Variants in EPB41L2 observed in about 807,000 individuals in gnomAD.
The protein encoded by EPB41L2 is erythrocyte membrane protein band 4.1 like 2.
Under a neutral mutation model 113.0 loss-of-function variants are expected in EPB41L2, and 43 were observed. The observed-to-expected ratio is 0.38, with a 90% CI of 0.30 to 0.49. EPB41L2 has a LOEUF of 0.49. EPB41L2 is among the 20% of genes least tolerant of loss of function. The pLI, the probability that EPB41L2 is intolerant of heterozygous loss-of-function variation, is 0.95. For missense variants in EPB41L2, 1,147 were observed against 1,223.4 expected (o/e 0.94, Z 0.93); for synonymous variants, 442 against 436.7 (o/e 1.01, Z -0.15).
intron 1 of EPB41L2, among the ~76,000 whole-genome samples, chr6:130,994,620 T>C (rs546440522): frequency 1.3e-5 from 2 of 152,326 alleles, no homozygotes; most frequent in South Asian, 4.1e-4. Context: ...AGCTGAAGTA[T>C]GACAGACAAG....
In EPB41L2 at chr6:130,894,388, C is replaced by A. The variant is rs571608777; in HGVS notation, c.1443G>T (p.Ala481=). The change falls in exon 10 of 20, where the codon GCG becomes GCT. Residue 481 remains alanine (A), a synonymous_variant. Coordinates refer to ENST00000337057, the MANE Select transcript of EPB41L2 (RefSeq NM_001431.4). ...IGFKLPNHRA[A]KRLWKVCVEH... is the part of the protein sequence containing the mutation. ...CCACGCACACTTTCCATAGTCTTTT[C>A]GCTGCCCGGTGGTTTGGCAGTTTGA... is the stretch of plus-strand genomic sequence containing the variant. 24 of 1,613,904 alleles carry A rather than the reference C, an allele frequency of 1.5e-5. No homozygotes were observed. In the South Asian group the frequency reaches 2.4e-4, roughly 16 times the overall value.
chr6:131,025,516 C>T (rs1054529395), intron 1 of EPB41L2, among the ~76,000 whole-genome samples: 2 of 152,302 alleles, frequency 1.3e-5, no homozygotes, highest in Admixed American at 1.3e-4. Flanking sequence ...CCACACCAAA[C>T]CACTGGCCTA....
intron 1 of EPB41L2, among the ~76,000 whole-genome samples, chr6:131,005,643 G>A (rs760093653): frequency 2.4e-4 from 37 of 152,110 alleles, no homozygotes; most frequent in Non-Finnish European, 3.5e-4. Context: ...AAGACTATGC[G>A]AGTGTGTATG....
chr6:131,024,961 T>C (rs765293880), intron 1 of EPB41L2, among the ~76,000 whole-genome samples: 2 of 152,216 alleles, frequency 1.3e-5, no homozygotes, highest in Non-Finnish European at 2.9e-5. Context: ...TCTTCCTCTC[T>C]ATTCTTCATT....
At chr6:130,855,211 G>A (rs1244591161) in intron 19 of EPB41L2, among the ~76,000 whole-genome samples, 1 of 151,872 alleles carries the variant, frequency 6.6e-6, no homozygotes, top group Admixed American at 6.6e-5. Flanking sequence ...TTAGCTGGGC[G>A]TGATGGTGGG....
chr6:131,036,805 GGGTTAACTAA>G (rs1793412037), intron 1 of EPB41L2, among the ~76,000 whole-genome samples: 1 of 152,116 alleles, frequency 6.6e-6, no homozygotes, highest in African/African-American at 2.4e-5. Flanking sequence ...AAACAGTTAT[GGGTTAACTAA>G]TAGGACATCT....
chr6:131,053,115 C>G (rs982903432), intron 1 of EPB41L2, among the ~76,000 whole-genome samples: 1 of 152,040 alleles, frequency 6.6e-6, no homozygotes, highest in Non-Finnish European at 1.5e-5. Flanking sequence ...AGGCTGGTCT[C>G]AAACTCCTGA....
intron 1 of EPB41L2, among the ~76,000 whole-genome samples, chr6:131,007,392 T>C (rs1342495131): frequency 3.3e-5 from 5 of 152,180 alleles, no homozygotes; most frequent in African/African-American, 1.2e-4. Context: ...AACTTCTTTT[T>C]TTTAAAAATT....
At chr6:131,048,941 C>T (rs974012932) in intron 1 of EPB41L2, among the ~76,000 whole-genome samples, 3 of 152,046 alleles carry the variant, frequency 2.0e-5, no homozygotes, top group African/African-American at 7.2e-5. Context: ...TTATCCTTCA[C>T]TGCTATTATG....
intron 3 of EPB41L2, among the ~76,000 whole-genome samples, chr6:130,939,543 G>A (rs1224608640): frequency 5.3e-5 from 8 of 151,982 alleles, no homozygotes; most frequent in Non-Finnish European, 1.0e-4. Context: ...GTAAGACACC[G>A]CGCCCGGCCC....
intron 1 of EPB41L2, among the ~76,000 whole-genome samples, chr6:131,049,832 AG>A (rs765401343): frequency 3.3e-5 from 5 of 152,228 alleles, no homozygotes; most frequent in Non-Finnish European, 7.3e-5. Context: ...TAAAAGCTAC[AG>A]GACATCTCTT....
intron 1 of EPB41L2, among the ~76,000 whole-genome samples, chr6:131,062,204 A>T (rs1039120834): frequency 1.2e-4 from 16 of 131,724 alleles, no homozygotes; most frequent in Non-Finnish European, 6.5e-5. Flanking sequence ...ACATATATAT[A>T]AAAAAAAAAA....
At chr6:131,000,960 A>C (rs1198365335) in intron 1 of EPB41L2, among the ~76,000 whole-genome samples, 1 of 132,482 alleles carries the variant, frequency 7.5e-6, no homozygotes, top group Non-Finnish European at 1.5e-5. Context: ...CAGATGAAAA[A>C]TAATTCCAAA....
chr6:130,989,110 G>C (rs1328500048), intron 1 of EPB41L2, among the ~76,000 whole-genome samples: 1 of 151,800 alleles, frequency 6.6e-6, no homozygotes, highest in Non-Finnish European at 1.5e-5. Context: ...AACAAACAAA[G>C]AATGAAGGAC....
At chr6:130,892,403 C>CTTTTTTGTTTTTTTTTTTTTTTTT (rs1793203868) in intron 10 of EPB41L2, among the ~76,000 whole-genome samples, 3 of 92,638 alleles carry the variant, frequency 3.2e-5, no homozygotes, top group Non-Finnish European at 7.2e-5. Context: ...CAGATTATTG[C>CTTTTTTGTTTTTTTTTTTTTTTTT]TTTTTTTTTT....
intron 3 of EPB41L2, among the ~76,000 whole-genome samples, chr6:130,933,354 C>T (rs564334775): frequency 6.6e-6 from 1 of 152,160 alleles, no homozygotes; most frequent in Non-Finnish European, 1.5e-5. Context: ...GCCAAATACA[C>T]TTCAAAAAGA....
At chr6:130,983,617 T>G (rs1256548097) in intron 1 of EPB41L2, among the ~76,000 whole-genome samples, 1 of 151,120 alleles carries the variant, frequency 6.6e-6, no homozygotes, top group Middle Eastern at 3.4e-3. Context: ...CAGCCTCAAC[T>G]TCCCGGGCTC....
chr6:130,901,602 CA>C (rs1484285285), intron 6 of EPB41L2, among the ~76,000 whole-genome samples: 2 of 152,084 alleles, frequency 1.3e-5, no homozygotes, highest in Admixed American at 6.6e-5. Context: ...ATCATCTTGA[CA>C]TTTCTTCTTT....
intron 1 of EPB41L2, among the ~76,000 whole-genome samples, chr6:131,008,019 C>T (rs559437372): frequency 1.3e-5 from 2 of 152,348 alleles, no homozygotes; most frequent in South Asian, 2.1e-4. Flanking sequence ...AAGCTGGCTG[C>T]AGAAATTTGC....
Sources: gnomAD v4.1 joint callset for allele counts (sites outside exome capture counted in the v4.1 genomes callset) on GRCh38, gnomAD v4.1.1 for gene constraint, MANE v1.5 for transcripts, NCBI Gene and HGNC (gene_info 2026-07-23, HGNC 2026-07-21) for gene names.